Variants in HDAC9 observed in about 807,000 individuals in gnomAD.
The protein encoded by HDAC9 is MEF-2 interacting transcription repressor (MITR) protein.
In HDAC9, 41 loss-of-function variants were observed where a neutral mutation model predicts 139.4. The ratio of observed to expected loss-of-function variants is 0.29; its 90% CI spans 0.23 to 0.38. The LOEUF is 0.38. Among genes scored for constraint, HDAC9 ranks in the 10% least tolerant of loss-of-function variants. The pLI, the probability that HDAC9 is intolerant of heterozygous loss-of-function variation, is 1.00. For synonymous variants in HDAC9, 517 were observed against 476.2 expected, an observed-to-expected ratio of 1.09 and a Z score of -1.12; for missense variants, 1,147 against 1,297.0, an observed-to-expected ratio of 0.88 and a Z score of 1.78.
chr7:18,206,930 C>CTTTTTTTTTTTTTTTTTTTTT (rs58248823), intron 2 of HDAC9, among the ~76,000 whole-genome samples: 1 of 124,548 alleles, frequency 8.0e-6, no homozygotes, highest in Non-Finnish European at 1.7e-5. Flanking sequence ...GATATCTTTT[C>CTTTTTTTTTTTTTTTTTTTTT]TTTTTTTTTT....
chr7:18,557,616 T>C (rs1431633662), intron 2 of HDAC9, among the ~76,000 whole-genome samples: 1 of 150,092 alleles, frequency 6.7e-6, no homozygotes, highest in Non-Finnish European at 1.5e-5. Flanking sequence ...TTTGACCTTT[T>C]TTTCTCTTGT....
At chr7:18,901,219 TATACACACACAC>T (rs1801681967) in intron 22 of HDAC9, among the ~76,000 whole-genome samples, 1 of 130,884 alleles carries the variant, frequency 7.6e-6, no homozygotes. Context: ...TATATATATA[TATACACACACAC>T]ACACACACAC....
intron 1 of HDAC9, among the ~76,000 whole-genome samples, chr7:18,117,025 T>C (rs1028349252): frequency 5.9e-5 from 9 of 152,344 alleles, no homozygotes; most frequent in African/African-American, 1.9e-4. Flanking sequence ...AACTTCACAT[T>C]TGTAGCTTTA....
At chr7:18,895,379 G>C (rs1160347113) in intron 22 of HDAC9, among the ~76,000 whole-genome samples, 1 of 152,072 alleles carries the variant, frequency 6.6e-6, no homozygotes, top group Admixed American at 6.6e-5. Flanking sequence ...AGGATCAATG[G>C]ATTGTAGATC....
chr7:18,734,807 G>T (rs1339411509), intron 13 of HDAC9, among the ~76,000 whole-genome samples: 2 of 152,110 alleles, frequency 1.3e-5, no homozygotes, highest in Non-Finnish European at 2.9e-5. Context: ...TTGAGGAATC[G>T]CCACACTGTG....
chr7:18,155,794 G>A (rs553671214), intron 1 of HDAC9, among the ~76,000 whole-genome samples: 14 of 152,144 alleles, frequency 9.2e-5, no homozygotes, highest in Non-Finnish European at 1.9e-4. Context: ...GAAACCAATA[G>A]TCTTGCATAG....
At chr7:18,544,275 T>A (rs1814006287) in intron 2 of HDAC9, among the ~76,000 whole-genome samples, 1 of 152,172 alleles carries the variant, frequency 6.6e-6, no homozygotes, top group Non-Finnish European at 1.5e-5. Context: ...TGGTATAGGT[T>A]AAAGAAAGCT....
intron 12 of HDAC9, among the ~76,000 whole-genome samples, chr7:18,689,202 C>G (rs558473908): frequency 7.2e-4 from 109 of 151,606 alleles, no homozygotes; most frequent in Non-Finnish European, 1.3e-3. Flanking sequence ...TTTGGGGGAG[C>G]TTTCTTTTCT....
At chr7:18,464,909 C>G (rs1794141235) in intron 1 of HDAC9, among the ~76,000 whole-genome samples, 1 of 152,020 alleles carries the variant, frequency 6.6e-6, no homozygotes, top group South Asian at 2.1e-4. Context: ...AATCACTAAA[C>G]TTTCCAAGGG....
intron 21 of HDAC9, among the ~76,000 whole-genome samples, chr7:18,861,516 C>T (rs893905009): frequency 8.6e-5 from 13 of 152,044 alleles, no homozygotes; most frequent in African/African-American, 2.4e-4. Flanking sequence ...TATTCAGAGG[C>T]GTTCCAAATA....
At chr7:18,807,340 T>C (rs537404466) in intron 17 of HDAC9, among the ~76,000 whole-genome samples, 1 of 152,290 alleles carries the variant, frequency 6.6e-6, no homozygotes, top group South Asian at 2.1e-4. Flanking sequence ...CTTTTTTTAT[T>C]AGTTAATCTA....
At chr7:18,215,276 G>A (rs925087652) in intron 2 of HDAC9, among the ~76,000 whole-genome samples, 1 of 152,110 alleles carries the variant, frequency 6.6e-6, no homozygotes, top group African/African-American at 2.4e-5. Context: ...GATATCATTA[G>A]ATGAGAGACA....
At chr7:18,986,333 T>C (rs1785348329) in intron 25 of HDAC9, among the ~76,000 whole-genome samples, 1 of 22,830 alleles carries the variant, frequency 4.4e-5, no homozygotes, top group Non-Finnish European at 9.9e-5. Context: ...AGGGAATCCT[T>C]TCCCCATTGC....
chr7:18,422,994 C>G (rs914044449), intron 1 of HDAC9, among the ~76,000 whole-genome samples: 1 of 152,158 alleles, frequency 6.6e-6, no homozygotes, highest in African/African-American at 2.4e-5. Flanking sequence ...GCTACACATG[C>G]ATCAGTTTTC....
At chr7:18,984,279 A>G (rs1488582060) in intron 25 of HDAC9, among the ~76,000 whole-genome samples, 1 of 152,150 alleles carries the variant, frequency 6.6e-6, no homozygotes, top group Non-Finnish European at 1.5e-5. Flanking sequence ...TTCAGAGAGT[A>G]TATGAGTGCA....
At chr7:18,640,942 C>T (rs754594770) in intron 8 of HDAC9, among the ~76,000 whole-genome samples, 1 of 152,098 alleles carries the variant, frequency 6.6e-6, no homozygotes, top group African/African-American at 2.4e-5. Flanking sequence ...AAAGCCATCA[C>T]TGGGTCATGG....
chr7:18,495,256 G>A (rs1199972457), upstream of HDAC9, among the ~76,000 whole-genome samples: 1 of 152,034 alleles, frequency 6.6e-6, no homozygotes, highest in East Asian at 1.9e-4. Flanking sequence ...GTGCGTGGGT[G>A]AGGCAGAAAC....
chr7:18,945,266 C>T (rs939020668), intron 23 of HDAC9, among the ~76,000 whole-genome samples: 3 of 152,158 alleles, frequency 2.0e-5, no homozygotes, highest in African/African-American at 4.8e-5. Flanking sequence ...TTTGATTTGC[C>T]CAGACGCTAA....
chr7:18,710,442 TATCA>T (rs1179598745), intron 12 of HDAC9, among the ~76,000 whole-genome samples: 1 of 152,324 alleles, frequency 6.6e-6, no homozygotes, highest in East Asian at 1.9e-4. Flanking sequence ...CACATGCTTA[TATCA>T]ATCATACACA....
Sources: gnomAD v4.1 joint callset for allele counts (sites outside exome capture counted in the v4.1 genomes callset) on GRCh38, gnomAD v4.1.1 for gene constraint, MANE v1.5 for transcripts, NCBI Gene and HGNC (gene_info 2026-07-23, HGNC 2026-07-21) for gene names.